The following SPRED1 variants were observed in gnomAD, a reference collection of about 807,000 sequenced individuals.
SPRED1 encodes the protein sprouty related EVH1 domain containing 1, also known as sprouty-related, EVH1 domain-containing protein 1.
A neutral mutation model predicts 52.3 loss-of-function variants in SPRED1; 18 were observed. The observed-to-expected ratio is 0.34, with a 90% CI of 0.24 to 0.51. SPRED1 has a LOEUF of 0.51. Among genes scored for constraint, SPRED1 ranks in the 20% least tolerant of loss-of-function variants. SPRED1 has a pLI of 0.97. For missense variants in SPRED1, 485 were observed against 551.0 expected (o/e 0.88, Z 1.20); for synonymous variants, 155 against 179.7 (o/e 0.86, Z 1.10).
intron 4 of SPRED1, among the ~76,000 whole-genome samples, chr15:38,337,720 A>T (rs1368295646): frequency 6.6e-6 from 1 of 152,126 alleles, no homozygotes; most frequent in East Asian, 1.9e-4. Context: ...ATATTTTTAA[A>T]GTCAGCTTTA....
intron 1 of SPRED1, among the ~76,000 whole-genome samples, chr15:38,289,409 CT>C (rs58172284): frequency 0.21 from 30,217 of 144,310 alleles, 3,118 homozygotes; most frequent in Middle Eastern, 0.26. Context: ...AAGGAAGTAC[CT>C]TTTTTTTTTT....
At chr15:38,342,956 A>G (rs1269826546) in intron 5 of SPRED1, among the ~76,000 whole-genome samples, 1 of 152,126 alleles carries the variant, frequency 6.6e-6, no homozygotes, top group Non-Finnish European at 1.5e-5. Context: ...ATTATTTTGG[A>G]AGACTATATA....
chr15:38,344,048 G>C (rs1477213166), intron 5 of SPRED1, among the ~76,000 whole-genome samples: 1 of 152,130 alleles, frequency 6.6e-6, no homozygotes, highest in East Asian at 1.9e-4. Flanking sequence ...TTTCGCTAGA[G>C]ATTTTGAGAT....
At chr15:38,326,559 C>T (rs1005165851) in intron 4 of SPRED1, among the ~76,000 whole-genome samples, 3 of 152,130 alleles carry the variant, frequency 2.0e-5, no homozygotes, top group Admixed American at 6.5e-5. Context: ...GAGAAACTTT[C>T]GATTGAAGTA....
In SPRED1 at chr15:38,357,237, TAAC is replaced by T. The variant is rs755112584; in HGVS notation, c.*5576_*5578del. Reference sequence around the variant, plus strand: ...AAAAATACATTCATAATAAAAGTCTTAACAAAATCACAGTTGAAATAGTGTTTC... The same window carrying T: ...AAAAATACATTCATAATAAAAGTCTTAAAATCACAGTTGAAATAGTGTTTC... On this transcript the variant is annotated 3_prime_UTR_variant, in exon 7 of 7. Transcript: ENST00000299084. 6 of 152,246 alleles carry T rather than the reference TAAC, an allele frequency of 3.9e-5. No individual in the cohort carries two copies. Among genetic ancestry groups the T allele is most frequent in the Non-Finnish European group, 7.3e-5 (5 of 68,034 alleles). 9.4% of individuals were successfully genotyped at this position (152,246 alleles called of 1,614,324 possible).
chr15:38,262,367 A>G (rs1894224326), intron 1 of SPRED1, among the ~76,000 whole-genome samples: 2 of 152,278 alleles, frequency 1.3e-5, no homozygotes, highest in Admixed American at 1.3e-4. Flanking sequence ...GCTCAAGGAG[A>G]AAGTGATTCT....
chr15:38,266,906 A>G (rs1324830218), intron 1 of SPRED1, among the ~76,000 whole-genome samples: 2 of 152,148 alleles, frequency 1.3e-5, no homozygotes, highest in Non-Finnish European at 2.9e-5. Context: ...TGTTTTGTGT[A>G]CTAGGCCCTA....
At chr15:38,260,910 A>G (rs1278718688) in intron 1 of SPRED1, among the ~76,000 whole-genome samples, 3 of 152,176 alleles carry the variant, frequency 2.0e-5, no homozygotes, top group Non-Finnish European at 4.4e-5. Flanking sequence ...TAACTCCAAC[A>G]TACAGCTAAC....
chr15:38,281,326 G>T (rs980808297), intron 1 of SPRED1, among the ~76,000 whole-genome samples: 5 of 152,258 alleles, frequency 3.3e-5, no homozygotes, highest in South Asian at 4.1e-4. Flanking sequence ...TTTGCAAAAG[G>T]AGTAAGTATT....
intron 3 of SPRED1, among the ~76,000 whole-genome samples, chr15:38,323,556 C>T (rs1895646989): frequency 6.6e-6 from 1 of 151,072 alleles, no homozygotes; most frequent in African/African-American, 2.4e-5. Flanking sequence ...CAAGAAAGTT[C>T]AAATATGGTG....
intron 1 of SPRED1, among the ~76,000 whole-genome samples, chr15:38,286,247 A>AAG (rs386382757): frequency 4.6e-5 from 7 of 151,320 alleles, no homozygotes; most frequent in Non-Finnish European, 7.4e-5. Context: ...AAAAAAAAAA[A>AAG]AGTTTTGCAG....
At chr15:38,312,452 G>A (rs1205158696) in intron 2 of SPRED1, among the ~76,000 whole-genome samples, 2 of 152,088 alleles carry the variant, frequency 1.3e-5, no homozygotes, top group Non-Finnish European at 2.9e-5. Context: ...AGGAGTCAGA[G>A]CCATATTAAT....
At chr15:38,340,395 G>T (rs1896003617) in intron 5 of SPRED1, among the ~76,000 whole-genome samples, 1 of 151,994 alleles carries the variant, frequency 6.6e-6, no homozygotes, top group African/African-American at 2.4e-5. Context: ...TGGTTGCCGT[G>T]TGATGTATTC....
chr15:38,305,593 G>A (rs532744806), intron 2 of SPRED1, among the ~76,000 whole-genome samples: 16 of 152,096 alleles, frequency 1.1e-4, no homozygotes, highest in African/African-American at 3.9e-4. Context: ...AGGGAGTATA[G>A]GGAAGTTTTT....
intron 1 of SPRED1, chr15:38,283,505 G>A (rs748512713): frequency 5.1e-6 from 5 of 984,778 alleles, no homozygotes; most frequent in Non-Finnish European, 6.0e-6. Context: ...AGGTGTCAGG[G>A]GCATGATGAT....
At chr15:38,347,833 G>A (rs190110630) in intron 5 of SPRED1, among the ~76,000 whole-genome samples, 2 of 152,026 alleles carry the variant, frequency 1.3e-5, no homozygotes, top group Admixed American at 6.6e-5. Flanking sequence ...TTTTCCTGAA[G>A]ATTATAGCAA....
At chr15:38,267,836 A>T (rs370689247) in intron 1 of SPRED1, among the ~76,000 whole-genome samples, 1 of 152,350 alleles carries the variant, frequency 6.6e-6, no homozygotes, top group Non-Finnish European at 1.5e-5. Flanking sequence ...TGACTGCATC[A>T]CAGTAACAAA....
intron 2 of SPRED1, among the ~76,000 whole-genome samples, chr15:38,317,616 A>G (rs1285950090): frequency 6.6e-6 from 1 of 151,994 alleles, no homozygotes; most frequent in African/African-American, 2.4e-5. Context: ...TGAAAACTAC[A>G]TTGGGCTAAA....
chr15:38,339,211 A>G (rs1325274771), intron 4 of SPRED1, among the ~76,000 whole-genome samples: 2 of 152,054 alleles, frequency 1.3e-5, no homozygotes, highest in African/African-American at 4.8e-5. Context: ...TAAGTCTAAT[A>G]AGAGTACATG....
Sources: allele counts gnomAD v4.1 joint callset (sites outside exome capture counted in the v4.1 genomes callset), GRCh38; gene constraint gnomAD v4.1.1; transcripts MANE v1.5; gene names NCBI Gene and HGNC (gene_info 2026-07-23, HGNC 2026-07-21).